The following MBP variants were observed in gnomAD, a reference collection of about 807,000 sequenced individuals.
The protein encoded by MBP is Golli-MBP.
A neutral mutation model predicts 35.8 loss-of-function variants in MBP; 16 were observed. The observed-to-expected ratio is 0.45, with a 90% CI of 0.30 to 0.68. The LOEUF is 0.68. Ranked by LOEUF, MBP falls within the 30% of genes least tolerant of loss-of-function variation. MBP has a pLI of 0.08. For missense variants in MBP, 380 were observed against 404.7 expected (o/e 0.94, Z 0.52); for synonymous variants, 143 against 159.6 (o/e 0.90, Z 0.78).
At chr18:76,995,702 A>C (rs1970231148) in intron 4 of MBP, among the ~76,000 whole-genome samples, 1 of 152,260 alleles carries the variant, frequency 6.6e-6, no homozygotes. Context: ...AATAGATCAT[A>C]GATCGTTATC....
chr18:77,106,096 A>C (rs1434957558), intron 1 of MBP, among the ~76,000 whole-genome samples: 15 of 152,164 alleles, frequency 9.9e-5, no homozygotes. Flanking sequence ...GACAATGACA[A>C]CATGTTTTCC....
At chr18:76,990,109 G>C (rs767145851) in intron 4 of MBP, 49 bp from the exon 5 acceptor site, 3 of 1,278,392 alleles carry the variant, frequency 2.3e-6, no homozygotes, top group Middle Eastern at 2.0e-4. Flanking sequence ...CAGTCCCTGC[G>C]GCTTGTCCTC....
intron 7 of MBP, chr18:76,986,121 A>G (rs1171063339): frequency 3.3e-5 from 33 of 985,582 alleles, no homozygotes; most frequent in Non-Finnish European, 4.0e-5. Context: ...CGGTGGGTGC[A>G]CTGTCTGTGG....
chr18:76,989,125 G>A lies in MBP; in HGVS notation c.682-213C>T, dbSNP rs776420752. 1.6e-5 allele frequency: 11 copies of A among 695,876 alleles called. No homozygotes were observed. The highest frequency in any genetic ancestry group is 6.0e-5 in the Admixed American group (3 of 49,830). The allele number at this position is 695,876 out of a possible 1,614,324, so 43.1% of individuals were successfully genotyped here. ...GATGCAGATCTCCCAGAGCACTCAG[G>A]AAGTGTTTCAGAGGATGGAAAACAC... On this transcript the variant is annotated intron_variant, in intron 5 of 8. Transcript: ENST00000355994. The surrounding 1 kb of genome is among the most constrained non-coding windows in gnomAD (Gnocchi z 4.0).
intron 3 of MBP, among the ~76,000 whole-genome samples, chr18:77,064,802 C>T (rs373312167): frequency 1.1e-4 from 17 of 152,310 alleles, no homozygotes; most frequent in African/African-American, 3.8e-4. Context: ...TACAGGGTGG[C>T]CTGATCTTGG....
At chr18:76,987,280 T>A (rs1157195404) in intron 7 of MBP, 1 of 985,348 alleles carries the variant, frequency 1.0e-6, no homozygotes, top group Non-Finnish European at 1.2e-6. Flanking sequence ...CATCTTTGTC[T>A]CCTGCTGGCA....
rs1035445225 is a variant in MBP, at chr18:76,988,225, G to T, written c.750+270C>A. On this transcript the variant is annotated intron_variant, in intron 7 of 8. Transcript: ENST00000355994. The surrounding 1 kb of genome is among the most constrained non-coding windows in gnomAD (Gnocchi z 5.2). ...CCCTGGGAGGGAGACCAGTCACGTC[G>T]CCTGGGAACCCTCTGGGAGAAGAGG... is the stretch of plus-strand genomic sequence containing the variant. 7 of 1,549,310 alleles carry T rather than the reference G, an allele frequency of 4.5e-6. No homozygotes were observed. The highest frequency in any genetic ancestry group is 1.4e-5 in the African/African-American group (1 of 73,126).
At chr18:77,043,722 A>C (rs1160527797) in intron 3 of MBP, among the ~76,000 whole-genome samples, 1 of 152,038 alleles carries the variant, frequency 6.6e-6, no homozygotes, top group East Asian at 1.9e-4. Context: ...GGACTGAGTC[A>C]CTGCTTTGCT....
At chr18:77,093,999 CG>C (rs1162305430) in intron 2 of MBP, among the ~76,000 whole-genome samples, 1 of 145,158 alleles carries the variant, frequency 6.9e-6, no homozygotes, top group Non-Finnish European at 1.5e-5. Flanking sequence ...TTTTTTGACA[CG>C]GAGTCTCGCT....
In MBP at chr18:77,131,810, A is replaced by T. The variant is rs1195258965; in HGVS notation, c.-26+770T>A. On this transcript the variant is annotated intron_variant, in intron 1 of 8. Transcript: ENST00000355994. The surrounding 1 kb of genome is among the most constrained non-coding windows in gnomAD (Gnocchi z 5.5). ...CGGCCCAGGACAGGCAGTGGGGCCCAGGAGGGGACTGCCGGGAAGACCCGG... is the reference window on the plus strand; with the variant it reads ...CGGCCCAGGACAGGCAGTGGGGCCCTGGAGGGGACTGCCGGGAAGACCCGG... The T allele has an allele frequency of 6.6e-6, 1 of 152,362 alleles. No individual in the cohort carries two copies. The highest frequency in any genetic ancestry group is 2.4e-5 in the African/African-American group (1 of 41,394). 9.4% of individuals were successfully genotyped at this position (152,362 alleles called of 1,614,324 possible). A position where few individuals can be genotyped will look rare whatever the true frequency, so the allele number is the denominator to read the frequency against.
At chr18:77,128,682 G>A (rs2145259708) in intron 1 of MBP, among the ~76,000 whole-genome samples, 1 of 152,340 alleles carries the variant, frequency 6.6e-6, no homozygotes, top group Middle Eastern at 3.4e-3. Flanking sequence ...ATTGTTGGGA[G>A]AAACTGGTGA....
At chr18:77,033,675 C>T (rs1398441660) in intron 3 of MBP, among the ~76,000 whole-genome samples, 1 of 151,940 alleles carries the variant, frequency 6.6e-6, no homozygotes, top group Non-Finnish European at 1.5e-5. Context: ...ACTCATCCAT[C>T]CATATATCAA....
chr18:77,123,848 A>G (rs550526262), intron 1 of MBP, among the ~76,000 whole-genome samples: 59 of 152,210 alleles, frequency 3.9e-4, no homozygotes, highest in African/African-American at 1.3e-3. Flanking sequence ...GTGTGTATTG[A>G]CCTCTGGAGC....
chr18:77,054,060 T>G (rs1973625283), intron 3 of MBP, among the ~76,000 whole-genome samples: 1 of 152,252 alleles, frequency 6.6e-6, no homozygotes, highest in Admixed American at 6.5e-5. Flanking sequence ...CCCCTCGGCC[T>G]GGTCTGCAGG....
In MBP at chr18:77,102,939, T is replaced by A. The variant is rs1412005628; in HGVS notation, c.51+2272A>T. The stretch of plus-strand genomic sequence containing the variant: ...TTATGGTTGTTATTGCTAATTATAA[T>A]GCTGACATTATCAGTAATACAGTTT... On this transcript the variant is annotated intron_variant, in intron 2 of 8. Transcript: ENST00000355994. The surrounding 1 kb of genome is among the most constrained non-coding windows in gnomAD (Gnocchi z 4.4). Among the ~76,000 whole-genome samples, 1 of 152,264 alleles carries A rather than the reference T, an allele frequency of 6.6e-6. No homozygotes were observed. The highest frequency in any genetic ancestry group is 1.5e-5 in the Non-Finnish European group (1 of 68,048).
chr18:77,018,096 T>A (rs1023935410), intron 3 of MBP, among the ~76,000 whole-genome samples: 2 of 152,202 alleles, frequency 1.3e-5, no homozygotes, highest in African/African-American at 4.8e-5. Context: ...ATACCAGTCA[T>A]CCATCTATCT....
intron 3 of MBP, among the ~76,000 whole-genome samples, chr18:77,019,277 C>A (rs1971887879): frequency 6.6e-6 from 1 of 152,138 alleles, no homozygotes; most frequent in Admixed American, 6.5e-5. Context: ...GTGAGTGTGA[C>A]CTTATTTGGA....
intron 1 of MBP, chr18:77,108,153 T>C (rs955251596): frequency 6.6e-6 from 1 of 152,210 alleles, no homozygotes; most frequent in Non-Finnish European, 1.5e-5. Context: ...GTCTGCCTTT[T>C]AGAGAAGAGC....
intron 1 of MBP, among the ~76,000 whole-genome samples, chr18:77,117,808 T>A (rs1258616601): frequency 1.8e-3 from 41 of 22,406 alleles, no homozygotes; most frequent in South Asian, 5.8e-3. Flanking sequence ...GGGACGGGGG[T>A]CAGTGGGTTG....
Sources: allele counts gnomAD v4.1 joint callset (sites outside exome capture counted in the v4.1 genomes callset), GRCh38; gene constraint gnomAD v4.1.1; non-coding constraint Gnocchi (gnomAD v3.1); transcripts MANE v1.5; gene names NCBI Gene and HGNC (gene_info 2026-07-23, HGNC 2026-07-21).